Variants in ECT2 observed in about 807,000 individuals in gnomAD.
ECT2 encodes the protein epithelial cell transforming 2, also known as protein ECT2.
In ECT2, 61 loss-of-function variants were observed where a neutral mutation model predicts 116.9. The observed-to-expected ratio is 0.52, with a 90% CI of 0.42 to 0.65. ECT2 has a LOEUF of 0.65. ECT2 is among the 30% of genes least tolerant of loss of function. ECT2 has a pLI of 0.00. For synonymous variants in ECT2, 358 were observed against 346.4 expected (o/e 1.03, Z -0.37); for missense variants, 937 against 1,078.7 (o/e 0.87, Z 1.84).
intron 18 of ECT2, among the ~76,000 whole-genome samples, chr3:172,792,706 T>C (rs987867749): frequency 6.6e-6 from 1 of 152,104 alleles, no homozygotes; most frequent in African/African-American, 2.4e-5. Context: ...GTAGGTCAGA[T>C]AGTAGGTTTT....
chr3:172,829,118 T>A, the ECT2 span: 1 of 675,812 alleles, frequency 1.5e-6, no homozygotes, highest in Non-Finnish European at 2.8e-6. Context: ...GTTAGACACC[T>A]GGTGCAACAG....
At chr3:172,758,811 A>T (rs542002229) in intron 5 of ECT2, among the ~76,000 whole-genome samples, 169 bp from the exon 6 acceptor site, 1 of 152,204 alleles carries the variant, frequency 6.6e-6, no homozygotes, top group Non-Finnish European at 1.5e-5. Context: ...GAAACTTGCA[A>T]TCTGTCGTTT....
chr3:172,759,599 G>A (rs985291214), intron 6 of ECT2, among the ~76,000 whole-genome samples: 1 of 151,972 alleles, frequency 6.6e-6, no homozygotes, highest in East Asian at 1.9e-4. Context: ...CCGCCACCAC[G>A]CCTGGCTAAT....
chr3:172,757,189 CTT>C, intron 5 of ECT2, 24 bp downstream of exon 5: 1 of 1,391,952 alleles, frequency 7.2e-7, no homozygotes, highest in Non-Finnish European at 9.4e-7. Flanking sequence ...TTTATTATGA[CTT>C]TTCAAGTTAA....
intron 1 of ECT2, among the ~76,000 whole-genome samples, chr3:172,751,431 T>C (rs1008926401): frequency 2.7e-4 from 41 of 152,210 alleles, no homozygotes; most frequent in African/African-American, 9.4e-4. Context: ...TTAGGGGAAG[T>C]TGCTTAACCT....
intron 14 of ECT2, among the ~76,000 whole-genome samples, chr3:172,778,743 G>A (rs535097130): frequency 6.6e-5 from 10 of 151,844 alleles, no homozygotes; most frequent in African/African-American, 2.2e-4. Context: ...CTACAGGCAC[G>A]CGCCACCATG....
intron 22 of ECT2, 86 bp from the exon 23 acceptor site, chr3:172,815,518 C>T (rs917049531): frequency 4.0e-6 from 3 of 742,748 alleles, no homozygotes; most frequent in Non-Finnish European, 6.6e-6. Context: ...TTTATAAATA[C>T]TCCCATATAT....
chr3:172,765,039 C>T (rs774777787), intron 12 of ECT2, among the ~76,000 whole-genome samples: 6 of 152,158 alleles, frequency 3.9e-5, no homozygotes, highest in Admixed American at 6.5e-5. Context: ...AAATCTCCTC[C>T]GGACCTCATG....
chr3:172,791,623 C>A (rs767628056), intron 18 of ECT2, among the ~76,000 whole-genome samples: 1 of 152,196 alleles, frequency 6.6e-6, no homozygotes, highest in Non-Finnish European at 1.5e-5. Flanking sequence ...AGCTTTCTTA[C>A]CTCTCTCAGC....
chr3:172,775,478 G>T (rs1231684075), intron 14 of ECT2, among the ~76,000 whole-genome samples: 1 of 152,114 alleles, frequency 6.6e-6, no homozygotes. Flanking sequence ...TGTTTAAAAA[G>T]CTTAGAAAGC....
At chr3:172,768,611 T>C (rs1421743941) in intron 12 of ECT2, among the ~76,000 whole-genome samples, 1 of 152,226 alleles carries the variant, frequency 6.6e-6, no homozygotes, top group Non-Finnish European at 1.5e-5. Context: ...TTTCATCAGT[T>C]ATCCTAAAAA....
chr3:172,802,971 T>C lies in ECT2; in HGVS notation c.2097T>C (p.Asp699=). The change falls in exon 20 of 25, where the codon GAT becomes GAC. Residue 699 remains aspartate (D), a synonymous_variant. Coordinates refer to ENST00000392692, the MANE Select transcript of ECT2 (RefSeq NM_001258315.2). ...GEQVTLFLFN[D]CLEIARKRHK... The stretch of plus-strand genomic sequence containing the variant: ...AAGTAACTCTCTTCCTCTTCAATGA[T>C]TGCCTAGAGGTAAAGATGTACTTCA... 6.2e-7 allele frequency: 1 copy of C among 1,611,276 alleles called. No individual in the cohort carries two copies. The highest frequency in any genetic ancestry group is 8.5e-7 in the Non-Finnish European group (1 of 1,178,954).
chr3:172,770,166 T>C (rs1213682493), intron 13 of ECT2, among the ~76,000 whole-genome samples: 1 of 152,208 alleles, frequency 6.6e-6, no homozygotes. Flanking sequence ...TTGCTCTTCC[T>C]TCTCAAGGGA....
At chr3:172,818,717 C>A (rs1381931968) in intron 24 of ECT2, 1 of 1,286,704 alleles carries the variant, frequency 7.8e-7, no homozygotes, top group Non-Finnish European at 1.0e-6. Context: ...ACTGATTTTT[C>A]AAATTTCAAA....
intron 14 of ECT2, among the ~76,000 whole-genome samples, chr3:172,779,314 G>A (rs1020304254): frequency 6.6e-6 from 1 of 151,872 alleles, no homozygotes; most frequent in Non-Finnish European, 1.5e-5. Flanking sequence ...GTGCATTTCT[G>A]AACAGTTCAA....
chr3:172,773,937 G>T lies in ECT2; in HGVS notation c.1463G>T (p.Arg488Leu). The T allele has an allele frequency of 1.2e-6, 2 of 1,613,196 alleles. No homozygotes were observed. Among genetic ancestry groups the T allele is most frequent in the East Asian group, 2.2e-5 (1 of 44,854 alleles). The change falls in exon 14 of 25, where the codon CGT becomes CTT. Residue 488 changes from arginine to leucine, a missense_variant. Transcript: ENST00000392692. ...FQVPLEEEGQ[R>L]GGPILAPEEI... ...GTACCATTGGAAGAGGAAGGACAAC[G>T]TGGTGGACCTATCCTTGCACCAGAG... is the stretch of plus-strand genomic sequence containing the variant.
intron 13 of ECT2, among the ~76,000 whole-genome samples, chr3:172,773,079 G>T (rs572557089): frequency 6.6e-6 from 1 of 152,222 alleles, no homozygotes; most frequent in South Asian, 2.1e-4. Context: ...TCTGCCAGAA[G>T]CCCTGGAACT....
chr3:172,805,737 A>G lies in ECT2; in HGVS notation c.2113A>G (p.Arg705Gly). The part of the protein sequence containing the change: ...FLFNDCLEIA[R>G]KRHKVIGTFR... The stretch of plus-strand genomic sequence containing the variant: ...TTTTATTTTCTATAATCAGATAGCA[A>G]GAAAACGGCACAAGGTTATTGGCAC... Residue 705 changes from arginine (R) to glycine (G), a missense_variant, in exon 21 of 25, where the codon AGA (arginine) becomes GGA (glycine). Coordinates refer to ENST00000392692, the MANE Select transcript of ECT2 (RefSeq NM_001258315.2). The G allele has an allele frequency of 6.2e-7, 1 of 1,613,182 alleles. No homozygotes were observed. The highest frequency in any genetic ancestry group is 8.5e-7 in the Non-Finnish European group (1 of 1,179,624).
intron 13 of ECT2, among the ~76,000 whole-genome samples, chr3:172,770,511 AT>A (rs1358455864): frequency 2.6e-5 from 4 of 151,764 alleles, no homozygotes; most frequent in South Asian, 2.1e-4. Flanking sequence ...CCTTAAAAAA[AT>A]TTTTTTTTAT....
Sources: allele counts gnomAD v4.1 joint callset (sites outside exome capture counted in the v4.1 genomes callset), GRCh38; gene constraint gnomAD v4.1.1; transcripts MANE v1.5; gene names NCBI Gene and HGNC (gene_info 2026-07-23, HGNC 2026-07-21).